PM20D2: variants seen among roughly 807,000 people sequenced by gnomAD.
PM20D2 encodes xaa-Arg dipeptidase.
In PM20D2, 33 loss-of-function variants were observed where a neutral mutation model predicts 42.9. The observed-to-expected ratio is 0.77, with a 90% CI of 0.58 to 1.03. The LOEUF (loss-of-function observed/expected upper bound fraction) is 1.03. Among genes scored for constraint, PM20D2 ranks in the 50% least tolerant of loss-of-function variants. PM20D2 has a pLI of 0.00. For synonymous variants in PM20D2, 250 were observed against 228.2 expected, an observed-to-expected ratio of 1.10 and a Z score of -0.86; for missense variants, 548 against 557.0, an observed-to-expected ratio of 0.98 and a Z score of 0.16.
chr6:89,150,561 G>T (rs1770797467), intron 2 of PM20D2, among the ~76,000 whole-genome samples: 1 of 96,722 alleles, frequency 1.0e-5, no homozygotes, highest in Non-Finnish European at 2.1e-5. Flanking sequence ...TTTTTTTGAG[G>T]CTGAGTCTCA....
chr6:89,132,137 G>T, the PM20D2 span, among the ~76,000 whole-genome samples: 2 of 151,934 alleles, frequency 1.3e-5, no homozygotes, highest in Non-Finnish European at 2.9e-5. Context: ...CCCAATAAAA[G>T]AACCTAATGA....
intron 2 of PM20D2, among the ~76,000 whole-genome samples, chr6:89,151,628 G>A (rs969887822): frequency 2.0e-5 from 3 of 152,166 alleles, no homozygotes; most frequent in Non-Finnish European, 4.4e-5. Context: ...TGTTTTTGGT[G>A]TACTTATGGG....
rs772858718 is a variant in PM20D2, at chr6:89,146,304, G to C, written c.160G>C (p.Glu54Gln). 2 of 1,581,754 alleles carry C rather than the reference G, an allele frequency of 1.3e-6. No individual in the cohort carries two copies. Among genetic ancestry groups the C allele is most frequent in the African/African-American group, 1.4e-5 (1 of 73,944 alleles). The change falls in exon 1 of 7, where the codon GAG becomes CAG. Residue 54 changes from glutamate (E) to glutamine (Q), a missense_variant. This residue lies in a region of PM20D2 where 470 missense variants were observed against 464.4 expected (regional missense o/e 1.01). Coordinates refer to ENST00000275072, the MANE Select transcript of PM20D2 (RefSeq NM_001010853.3). ...CTGGAGCCAGCCCGAGCTGGCCTAC[G>C]AGGAGCACCATGCCCACCGCGTGCT... The part of the protein sequence containing the change: ...AIWSQPELAY[E>Q]EHHAHRVLTH...
the PM20D2 span, chr6:89,098,800 C>A: frequency 6.2e-7 from 1 of 1,613,890 alleles, no homozygotes; most frequent in South Asian, 1.1e-5. Flanking sequence ...TTGACTTGGA[C>A]CTCTTTTGTA....
the PM20D2 span, among the ~76,000 whole-genome samples, chr6:89,122,044 C>G: frequency 1.1e-4 from 16 of 152,082 alleles, no homozygotes; most frequent in African/African-American, 3.9e-4. Flanking sequence ...AATTAGTAGT[C>G]TATGTTGTGT....
chr6:89,098,562 C>G, the PM20D2 span: 5 of 1,591,346 alleles, frequency 3.1e-6, no homozygotes, highest in South Asian at 5.7e-5. Flanking sequence ...CGGCGTGGTG[C>G]TCTTTCTGTT....
At chr6:89,099,898 A>C in the PM20D2 span, among the ~76,000 whole-genome samples, 15 of 152,298 alleles carry the variant, frequency 9.8e-5, no homozygotes, top group African/African-American at 3.6e-4. Context: ...GCACTGGAGG[A>C]TAATCAACAC....
At chr6:89,124,736 G>GGTTTTTTT in the PM20D2 span, among the ~76,000 whole-genome samples, 2 of 108,436 alleles carry the variant, frequency 1.8e-5, no homozygotes, top group East Asian at 6.2e-4. Flanking sequence ...TGCTGTTGTT[G>GGTTTTTTT]TTTTTTTTTT....
chr6:89,146,083 G>A lies in PM20D2; in HGVS notation c.-62G>A. 2 of 1,330,190 alleles carry A rather than the reference G, an allele frequency of 1.5e-6. No individual in the cohort carries two copies. The highest frequency in any genetic ancestry group is 1.9e-6 in the Non-Finnish European group (2 of 1,036,872). The allele number at this position is 1,330,190 out of a possible 1,614,324, so 82.4% of individuals were successfully genotyped here. On this transcript the variant is annotated 5_prime_UTR_variant, in exon 1 of 7. Coordinates refer to ENST00000275072, the MANE Select transcript of PM20D2 (RefSeq NM_001010853.3). ...GAGGCCTCTGGGCGCGTGCGCGGGC[G>A]GTCGCTACCTGCGGCCGAGCCAGGG... is the stretch of plus-strand genomic sequence containing the variant.
the PM20D2 span, among the ~76,000 whole-genome samples, chr6:89,116,977 T>TG: frequency 6.7e-6 from 1 of 149,812 alleles, no homozygotes; most frequent in Admixed American, 6.6e-5. Context: ...GTAGAAAGGC[T>TG]GGGGGGAAGT....
At chr6:89,120,579 T>C in the PM20D2 span, among the ~76,000 whole-genome samples, 1 of 152,110 alleles carries the variant, frequency 6.6e-6, no homozygotes, top group Non-Finnish European at 1.5e-5. Flanking sequence ...GTTAAAAATA[T>C]ATTGGCCAGG....
intron 4 of PM20D2, among the ~76,000 whole-genome samples, chr6:89,156,194 T>G (rs1771044698): frequency 6.6e-6 from 1 of 152,276 alleles, no homozygotes; most frequent in East Asian, 1.9e-4. Flanking sequence ...GTTTTGTTGA[T>G]TTGAACTATA....
At chr6:89,121,961 A>G in the PM20D2 span, among the ~76,000 whole-genome samples, 1 of 152,236 alleles carries the variant, frequency 6.6e-6, no homozygotes, top group Admixed American at 6.5e-5. Flanking sequence ...AAACTTTTTC[A>G]TTGGAATCAC....
chr6:89,150,969 C>T (rs2127776329), intron 2 of PM20D2, among the ~76,000 whole-genome samples: 1 of 151,700 alleles, frequency 6.6e-6, no homozygotes, highest in South Asian at 2.1e-4. Context: ...GCCTGGCCAA[C>T]TTGGCAAAAC....
chr6:89,099,356 G>A, the PM20D2 span, among the ~76,000 whole-genome samples: 11 of 146,468 alleles, frequency 7.5e-5, no homozygotes, highest in Non-Finnish European at 1.6e-4. Flanking sequence ...AGAACAGCTT[G>A]TATTAGACTA....
chr6:89,165,076 G>A lies in PM20D2; in HGVS notation c.*2813G>A, dbSNP rs1207847702. The A allele has an allele frequency of 1.3e-5, 2 of 151,784 alleles. No individual in the cohort carries two copies. Among genetic ancestry groups the A allele is most frequent in the Non-Finnish European group, 2.9e-5 (2 of 67,940 alleles). The allele number at this position is 151,784 out of a possible 1,614,324, so 9.4% of individuals were successfully genotyped here. On this transcript the variant is annotated 3_prime_UTR_variant, in exon 7 of 7. Transcript: ENST00000275072. ...TACCATCTTGAAAATTTTTGAGGAAGTGTTTCTGAAATATTTAAAAATACT... is the reference window on the plus strand; with the variant it reads ...TACCATCTTGAAAATTTTTGAGGAAATGTTTCTGAAATATTTAAAAATACT...
At chr6:89,135,368 A>T in the PM20D2 span, among the ~76,000 whole-genome samples, 2 of 151,208 alleles carry the variant, frequency 1.3e-5, 1 homozygote, top group African/African-American at 4.9e-5. Context: ...ATTACAAGTA[A>T]TGCCATGTAT....
the PM20D2 span, chr6:89,105,157 T>G: frequency 8.2e-5 from 133 of 1,612,724 alleles, no homozygotes; most frequent in Non-Finnish European, 1.1e-4. Context: ...TTCTTCCCCA[T>G]GAAGAACTTC....
At chr6:89,135,623 A>G in the PM20D2 span, among the ~76,000 whole-genome samples, 1 of 151,440 alleles carries the variant, frequency 6.6e-6, no homozygotes, top group African/African-American at 2.5e-5. Flanking sequence ...AGCCTTCATC[A>G]AGATCAGACA....
Sources: allele counts gnomAD v4.1 joint callset (sites outside exome capture counted in the v4.1 genomes callset), GRCh38; gene constraint gnomAD v4.1.1; regional missense constraint gnomAD v4.1.1; transcripts MANE v1.5; gene names NCBI Gene and HGNC (gene_info 2026-07-23, HGNC 2026-07-21).